Variants in KHDRBS2 observed in about 807,000 individuals in gnomAD.
The protein encoded by KHDRBS2 is KH RNA binding domain containing, signal transduction associated 2.
KHDRBS2 carries 26 observed loss-of-function variants against 44.3 expected under a neutral mutation model. The observed-to-expected ratio is 0.59, with a 90% CI of 0.43 to 0.81. KHDRBS2 has a LOEUF of 0.81. Among genes scored for constraint, KHDRBS2 ranks in the 40% least tolerant of loss-of-function variants. The pLI is 0.00. For synonymous variants in KHDRBS2, 194 were observed against 151.1 expected (o/e 1.28, Z -2.08); for missense variants, 476 against 433.1 (o/e 1.10, Z -0.88).
intron 2 of KHDRBS2, among the ~76,000 whole-genome samples, chr6:62,075,436 A>C (rs1796137890): frequency 6.6e-6 from 1 of 151,986 alleles, no homozygotes; most frequent in African/African-American, 2.4e-5. Flanking sequence ...AATCCTAGTT[A>C]AAGCAGGCTG....
chr6:61,611,049 T>C, the KHDRBS2 span, among the ~76,000 whole-genome samples: 1 of 152,174 alleles, frequency 6.6e-6, no homozygotes, highest in Non-Finnish European at 1.5e-5. Context: ...GCGTTTTGCA[T>C]CTCTTTGGTA....
intron 7 of KHDRBS2, among the ~76,000 whole-genome samples, chr6:61,700,427 C>CTCTGT (rs1226093463): frequency 1.3e-5 from 2 of 149,132 alleles, no homozygotes; most frequent in Admixed American, 6.8e-5. Context: ...ACAGAGCATA[C>CTCTGT]TAGATATTTG....
At chr6:61,859,409 A>G (rs1796599654) in intron 6 of KHDRBS2, among the ~76,000 whole-genome samples, 1 of 151,896 alleles carries the variant, frequency 6.6e-6, no homozygotes, top group South Asian at 2.1e-4. Flanking sequence ...GGAAATATAT[A>G]TTGTTTAAGA....
At chr6:61,649,401 C>A in the KHDRBS2 span, among the ~76,000 whole-genome samples, 1 of 152,106 alleles carries the variant, frequency 6.6e-6, no homozygotes, top group Non-Finnish European at 1.5e-5. Flanking sequence ...TTGATTTAAT[C>A]CCCTGGTGGG....
chr6:61,887,576 G>A (rs1801153841), intron 6 of KHDRBS2, among the ~76,000 whole-genome samples: 1 of 152,126 alleles, frequency 6.6e-6, no homozygotes, highest in South Asian at 2.1e-4. Flanking sequence ...TTCTTGTCAG[G>A]CCAGCTGCAA....
chr6:62,063,648 C>T (rs1241540834), intron 2 of KHDRBS2, among the ~76,000 whole-genome samples: 1 of 148,584 alleles, frequency 6.7e-6, no homozygotes, highest in Non-Finnish European at 1.5e-5. Flanking sequence ...TAAGAGCTAT[C>T]TATGACAAAC....
At chr6:61,930,819 T>G (rs1809906491) in intron 4 of KHDRBS2, among the ~76,000 whole-genome samples, 1 of 152,088 alleles carries the variant, frequency 6.6e-6, no homozygotes, top group African/African-American at 2.4e-5. Context: ...GCAACTTAGT[T>G]CATGAGTTGC....
At position 62,024,257 on chromosome 6, in the gene KHDRBS2, C is replaced by T. The variant is rs753352570; in HGVS notation, c.336+23621G>A. ...ACTGTAATATTCAAAATAATTAAAT[C>T]GAAATTTAGAGATAAAAAGAATGAG... On this transcript the variant is annotated intron_variant, in intron 3 of 8. Transcript: ENST00000281156. Among the ~76,000 whole-genome samples, 46 of 150,936 alleles carry T rather than the reference C, an allele frequency of 3.0e-4. 1 individual carries two copies. Among genetic ancestry groups the T allele is most frequent in the Admixed American group, 1.5e-3 (23 of 15,064 alleles).
At chr6:61,684,714 T>G (rs1435382652) in intron 8 of KHDRBS2, among the ~76,000 whole-genome samples, 2 of 151,440 alleles carry the variant, frequency 1.3e-5, no homozygotes, top group African/African-American at 4.8e-5. Flanking sequence ...AATAACAAAT[T>G]CCTCCTCAAA....
the KHDRBS2 span, among the ~76,000 whole-genome samples, chr6:61,626,694 T>C: frequency 6.6e-6 from 1 of 152,226 alleles, no homozygotes; most frequent in Non-Finnish European, 1.5e-5. Context: ...AGTTGATTTA[T>C]TTAGAAAAAT....
intron 6 of KHDRBS2, among the ~76,000 whole-genome samples, chr6:61,794,102 G>A (rs1417465155): frequency 6.6e-6 from 1 of 152,076 alleles, no homozygotes; most frequent in Non-Finnish European, 1.5e-5. Context: ...AATAATTAAG[G>A]TCTAGAGAGT....
intron 4 of KHDRBS2, among the ~76,000 whole-genome samples, chr6:61,964,221 G>A (rs1329050748): frequency 6.6e-6 from 1 of 152,006 alleles, no homozygotes; most frequent in Admixed American, 6.6e-5. Context: ...CTGCTTTTTA[G>A]GAGCCCACAC....
rs1806179539 is a variant in KHDRBS2 at position 62,116,194 on chromosome 6, T to G, written c.219+60991A>C. ...CATTACCCCAAATATGTATTATTTT[T>G]GTGGTAAGAACATTTGAAATCTATC... is the stretch of plus-strand genomic sequence containing the variant. On this transcript the variant is annotated intron_variant, in intron 2 of 8. Coordinates refer to ENST00000281156, the MANE Select transcript of KHDRBS2 (RefSeq NM_152688.4). 2.0e-5 allele frequency among the ~76,000 whole-genome samples: 3 copies of G among 152,254 alleles called. No individual in the cohort carries two copies. In the South Asian group the frequency reaches 6.2e-4, roughly 32 times the overall value.
chr6:62,144,718 G>C (rs1813570425), intron 2 of KHDRBS2, among the ~76,000 whole-genome samples: 1 of 151,910 alleles, frequency 6.6e-6, no homozygotes, highest in Admixed American at 6.6e-5. Context: ...AAGAAAAGCA[G>C]TTTTTAGTTA....
chr6:62,045,229 A>G (rs1367139996), intron 3 of KHDRBS2, among the ~76,000 whole-genome samples: 1 of 152,128 alleles, frequency 6.6e-6, no homozygotes, highest in African/African-American at 2.4e-5. Flanking sequence ...TAAAGAAATC[A>G]GATGGTAGCC....
At chr6:61,998,297 T>C (rs1291845242) in intron 3 of KHDRBS2, among the ~76,000 whole-genome samples, 1 of 152,140 alleles carries the variant, frequency 6.6e-6, no homozygotes, top group African/African-American at 2.4e-5. Context: ...CAATCAACCA[T>C]CTTGTAATCA....
chr6:62,095,956 T>TA (rs1486885879), intron 2 of KHDRBS2, among the ~76,000 whole-genome samples: 2 of 151,998 alleles, frequency 1.3e-5, no homozygotes, highest in Non-Finnish European at 2.9e-5. Flanking sequence ...AAATGTTTTT[T>TA]TATTCATCTA....
the KHDRBS2 span, among the ~76,000 whole-genome samples, chr6:61,562,469 G>A: frequency 1.3e-5 from 2 of 152,170 alleles, no homozygotes; most frequent in Non-Finnish European, 2.9e-5. Context: ...CTGTTGAAAA[G>A]AAGGGAAGAG....
chr6:62,103,727 C>A (rs1199341857), intron 2 of KHDRBS2, among the ~76,000 whole-genome samples: 1 of 152,218 alleles, frequency 6.6e-6, no homozygotes, highest in Non-Finnish European at 1.5e-5. Flanking sequence ...TCTCCCACTA[C>A]AGCTGGCGAC....
Sources: gnomAD v4.1 joint callset for allele counts (sites outside exome capture counted in the v4.1 genomes callset) on GRCh38, gnomAD v4.1.1 for gene constraint, MANE v1.5 for transcripts, NCBI Gene and HGNC (gene_info 2026-07-23, HGNC 2026-07-21) for gene names.